The following CSMD1 variants were observed in gnomAD, a reference collection of about 807,000 sequenced individuals.
The protein encoded by CSMD1 is CUB and sushi domain-containing protein 1.
In CSMD1, 213 loss-of-function variants were observed where a neutral mutation model predicts 417.5. That is an observed-to-expected ratio of 0.51 (90% CI 0.46 to 0.57). CSMD1 has a LOEUF of 0.57. Among genes scored for constraint, CSMD1 ranks in the 20% least tolerant of loss-of-function variants. The probability of loss-of-function intolerance (pLI) is 0.00; values close to 1 mark genes in which losing one functional copy is unlikely to be tolerated. For missense variants in CSMD1, 6,923 were observed against 4,529.7 expected, an observed-to-expected ratio of 1.53 and a Z score of -15.17; for synonymous variants, 2,862 against 1,736.8, an observed-to-expected ratio of 1.65 and a Z score of -16.11.
intron 4 of CSMD1, among the ~76,000 whole-genome samples, chr8:4,025,410 C>T (rs1373543559): frequency 2.0e-5 from 3 of 152,158 alleles, no homozygotes; most frequent in Non-Finnish European, 4.4e-5. Flanking sequence ...CTATCCTAGG[C>T]TGTACCATTA....
At chr8:4,084,373 A>G (rs1294805447) in intron 3 of CSMD1, among the ~76,000 whole-genome samples, 5 of 152,178 alleles carry the variant, frequency 3.3e-5, no homozygotes, top group African/African-American at 9.6e-5. Context: ...GCAATCTAGA[A>G]TTAGAAACAA....
chr8:4,147,188 C>A (rs1356277163), intron 3 of CSMD1, among the ~76,000 whole-genome samples: 1 of 152,046 alleles, frequency 6.6e-6, no homozygotes, highest in Admixed American at 6.6e-5. Context: ...CACCAGGCAA[C>A]ACTCCCTCAC....
At chr8:4,738,903 T>TAGTGTGTGTGTGTGTGTG (rs140973405) in intron 1 of CSMD1, among the ~76,000 whole-genome samples, 171 of 147,494 alleles carry the variant, frequency 1.2e-3, no homozygotes, top group African/African-American at 2.5e-3. Flanking sequence ...TTCTGTGTGT[T>TAGTGTGTGTGTGTGTGTG]TGTGTGTGTG....
In CSMD1 at chr8:4,924,153, G is replaced by A. The variant is rs151164706; in HGVS notation, c.85+70179C>T. On this transcript the variant is annotated intron_variant, in intron 1 of 69. Coordinates refer to ENST00000635120, the MANE Select transcript of CSMD1 (RefSeq NM_033225.6). ...CTCACAAATAAACATCCAGACACTC[G>A]ATGTTGAATACAGATTTGACAATCT... Among the ~76,000 whole-genome samples, 407 of 152,160 alleles carry A rather than the reference G, an allele frequency of 2.7e-3. 4 individuals are homozygous for A. Among genetic ancestry groups the A allele is most frequent in the African/African-American group, 9.2e-3 (382 of 41,532 alleles).
At chr8:3,676,440 A>G (rs149570974) in intron 7 of CSMD1, among the ~76,000 whole-genome samples, 176 of 152,352 alleles carry the variant, frequency 1.2e-3, no homozygotes, top group East Asian at 9.7e-3. Flanking sequence ...AAATGCTAAC[A>G]TTAGTTATGT....
intron 1 of CSMD1, among the ~76,000 whole-genome samples, chr8:4,959,001 T>G (rs931032883): frequency 6.6e-6 from 1 of 152,196 alleles, no homozygotes; most frequent in Non-Finnish European, 1.5e-5. Flanking sequence ...AACTTAAATC[T>G]TAATTGTATG....
chr8:4,439,907 C>A (rs1798368594), intron 2 of CSMD1, among the ~76,000 whole-genome samples: 1 of 152,106 alleles, frequency 6.6e-6, no homozygotes, highest in Non-Finnish European at 1.5e-5. Flanking sequence ...CAACAGTTAA[C>A]AAGCTTAATA....
intron 42 of CSMD1, among the ~76,000 whole-genome samples, chr8:3,114,139 G>A (rs1393497411): frequency 6.6e-6 from 1 of 152,142 alleles, no homozygotes; most frequent in East Asian, 1.9e-4. Context: ...AGCCACTTGG[G>A]AGGCTGAAGT....
At chr8:3,473,721 T>C (rs950680170) in intron 11 of CSMD1, among the ~76,000 whole-genome samples, 7 of 152,290 alleles carry the variant, frequency 4.6e-5, no homozygotes, top group African/African-American at 7.2e-5. Context: ...ATGAAGAAGA[T>C]AGATTCCTAG....
chr8:3,924,799 C>T (rs1037045844), intron 5 of CSMD1, among the ~76,000 whole-genome samples: 1 of 152,078 alleles, frequency 6.6e-6, no homozygotes, highest in African/African-American at 2.4e-5. Flanking sequence ...TTCGTGTTAT[C>T]CTGTAAGTCA....
At chr8:3,221,154 A>T (rs552303077) in intron 28 of CSMD1, among the ~76,000 whole-genome samples, 49 of 152,262 alleles carry the variant, frequency 3.2e-4, no homozygotes, top group African/African-American at 1.2e-3. Flanking sequence ...CATGAAGGGG[A>T]ACAGAGAACG....
At chr8:3,688,875 T>C (rs1339827163) in intron 7 of CSMD1, among the ~76,000 whole-genome samples, 1 of 152,062 alleles carries the variant, frequency 6.6e-6, no homozygotes, top group African/African-American at 2.4e-5. Flanking sequence ...AGATCAGAAA[T>C]AGACTCACTT....
At chr8:3,368,765 T>G (rs1474556937) in intron 19 of CSMD1, among the ~76,000 whole-genome samples, 5 of 152,232 alleles carry the variant, frequency 3.3e-5, no homozygotes, top group Non-Finnish European at 5.9e-5. Flanking sequence ...TCACTATGCT[T>G]ACCTATAAAA....
intron 3 of CSMD1, among the ~76,000 whole-genome samples, chr8:4,071,826 T>A (rs1812570): frequency 2.6e-5 from 4 of 151,714 alleles, no homozygotes; most frequent in East Asian, 3.9e-4. Context: ...CTTCCTGTTG[T>A]GGGGGGGTGG....
intron 7 of CSMD1, among the ~76,000 whole-genome samples, chr8:3,645,624 C>T (rs755865245): frequency 6.6e-5 from 10 of 152,118 alleles, no homozygotes; most frequent in East Asian, 3.9e-4. Context: ...TGGGAAGAGT[C>T]GGCCTTCTGC....
In CSMD1 at chr8:4,175,820, G is replaced by C. The variant is rs1025350125; in HGVS notation, c.416-143721C>G. ...TGGCAATACAACAGCATATATAAAA[G>C]TATGCAGAGTGAAAGTAACTGGAAA... On this transcript the variant is annotated intron_variant, in intron 3 of 69. Transcript: ENST00000635120. Among the ~76,000 whole-genome samples, 8 of 152,142 alleles carry C rather than the reference G, an allele frequency of 5.3e-5. 1 individual carries two copies. Among genetic ancestry groups the C allele is most frequent in the African/African-American group, 1.2e-4 (5 of 41,420 alleles).
chr8:4,215,093 A>C (rs1800559214), intron 3 of CSMD1, among the ~76,000 whole-genome samples: 1 of 152,172 alleles, frequency 6.6e-6, no homozygotes. Flanking sequence ...CAATGCTTCT[A>C]TTCCGGACAA....
chr8:4,210,568 A>G (rs903887918), intron 3 of CSMD1, among the ~76,000 whole-genome samples: 1 of 152,202 alleles, frequency 6.6e-6, no homozygotes, highest in African/African-American at 2.4e-5. Context: ...AGGAAACACA[A>G]TATCTGACCA....
chr8:3,886,815 T>A (rs1166153652), intron 5 of CSMD1, among the ~76,000 whole-genome samples: 1 of 152,162 alleles, frequency 6.6e-6, no homozygotes, highest in African/African-American at 2.4e-5. Flanking sequence ...GAGGGTAGAA[T>A]AGAGATTTGA....
Sources: allele counts gnomAD v4.1 joint callset (sites outside exome capture counted in the v4.1 genomes callset), GRCh38; gene constraint gnomAD v4.1.1; transcripts MANE v1.5; gene names NCBI Gene and HGNC (gene_info 2026-07-23, HGNC 2026-07-21).